Variants in VPS8 observed in about 807,000 individuals in gnomAD.
VPS8 encodes VPS8 subunit of CORVET complex.
Under a neutral mutation model 216.4 loss-of-function variants are expected in VPS8, and 129 were observed. The observed-to-expected ratio is 0.60, with a 90% CI of 0.52 to 0.69. The LOEUF (loss-of-function observed/expected upper bound fraction) is 0.69. Ranked by LOEUF, VPS8 falls within the 30% of genes least tolerant of loss-of-function variation. The pLI, the probability that VPS8 is intolerant of heterozygous loss-of-function variation, is 0.00. For synonymous variants in VPS8, 571 were observed against 565.4 expected (o/e 1.01, Z -0.14); for missense variants, 1,531 against 1,683.5 (o/e 0.91, Z 1.59).
chr3:184,908,433 C>T lies in VPS8; in HGVS notation c.2147-5086C>T, dbSNP rs144191166. 2.7e-3 allele frequency among the ~76,000 whole-genome samples: 408 copies of T among 152,358 alleles called. 1 individual carries two copies. Among genetic ancestry groups the T allele is most frequent in the Middle Eastern group, 0.01 (3 of 294 alleles). ...CTCCAAGTGCTGACACAGGAACAAGCTCCATGTGAGGCCCGCGGTCTTGAG... is the reference window on the plus strand; with the variant it reads ...CTCCAAGTGCTGACACAGGAACAAGTTCCATGTGAGGCCCGCGGTCTTGAG... On this transcript the variant is annotated intron_variant, in intron 25 of 47. Transcript: ENST00000625842.
chr3:184,878,355 C>T (rs986389866), intron 21 of VPS8, among the ~76,000 whole-genome samples: 26 of 152,084 alleles, frequency 1.7e-4, no homozygotes, highest in African/African-American at 2.2e-4. Context: ...ATGATCCACC[C>T]GCCTCGGCCT....
At chr3:184,888,415 A>T (rs1731710574) in intron 22 of VPS8, among the ~76,000 whole-genome samples, 1 of 152,244 alleles carries the variant, frequency 6.6e-6, no homozygotes, top group Non-Finnish European at 1.5e-5. Flanking sequence ...GCTGATGGAC[A>T]GTGATTGTGT....
chr3:184,917,617 G>A (rs937132167), intron 28 of VPS8, among the ~76,000 whole-genome samples: 1 of 152,166 alleles, frequency 6.6e-6, no homozygotes, highest in Non-Finnish European at 1.5e-5. Context: ...TGTTGGCCAA[G>A]CTGGTCTCGA....
intron 4 of VPS8, 33 bp downstream of exon 4, chr3:184,832,852 G>A (rs768827042): frequency 7.6e-6 from 12 of 1,589,244 alleles, no homozygotes; most frequent in South Asian, 6.8e-5. Flanking sequence ...CTTGCTTACA[G>A]TTGAAGTATT....
chr3:184,838,909 T>C, intron 6 of VPS8, 163 bp downstream of exon 6: 1 of 546,794 alleles, frequency 1.8e-6, no homozygotes, highest in Non-Finnish European at 3.1e-6. Flanking sequence ...TGTTGAATGC[T>C]TTCTTTTTTC....
chr3:184,945,763 T>C (rs949848141), intron 36 of VPS8, among the ~76,000 whole-genome samples: 4 of 152,208 alleles, frequency 2.6e-5, no homozygotes, highest in African/African-American at 2.4e-5. Context: ...AAGAGATTAA[T>C]TAACACAGAG....
At position 184,964,499 on chromosome 3, in the gene VPS8, C is replaced by T. The variant is rs985353131; in HGVS notation, c.3215C>T (p.Thr1072Ile). 1 of 1,519,394 alleles carries T rather than the reference C, an allele frequency of 6.6e-7. No individual in the cohort carries two copies. The highest frequency in any genetic ancestry group is 8.9e-7 in the Non-Finnish European group (1 of 1,128,504). The allele number at this position is 1,519,394 out of a possible 1,614,324, so 94.1% of individuals were successfully genotyped here. A position where few individuals can be genotyped will look rare whatever the true frequency, so the allele number is the denominator to read the frequency against. Residue 1072 changes from threonine to isoleucine, a missense_variant, in exon 38 of 48, where the codon ACC becomes ATC. Thr to Ile is a moderately conservative substitution (Grantham distance 89). Transcript: ENST00000625842. ...CAGAAGTATCAACTTCATGAAGTCA[C>T]CGCTTATCTATTGGAAAAGAAAGGA... ...ITQKYQLHEV[T>I]AYLLEKKGDI...
At chr3:185,036,338 A>C (rs938069709) in intron 46 of VPS8, among the ~76,000 whole-genome samples, 1 of 152,196 alleles carries the variant, frequency 6.6e-6, no homozygotes. Context: ...AGCTGGAGGC[A>C]TCACATACCT....
At chr3:184,887,610 G>A (rs1002096243) in intron 22 of VPS8, among the ~76,000 whole-genome samples, 2 of 152,192 alleles carry the variant, frequency 1.3e-5, no homozygotes, top group Non-Finnish European at 2.9e-5. Context: ...GGTGGCAAAG[G>A]TGGGATTCAA....
chr3:184,959,924 G>A (rs995587957), intron 37 of VPS8, among the ~76,000 whole-genome samples: 2 of 151,070 alleles, frequency 1.3e-5, no homozygotes, highest in African/African-American at 4.9e-5. Flanking sequence ...GTGCCATGTT[G>A]GTGTGCTGCA....
intron 40 of VPS8, among the ~76,000 whole-genome samples, chr3:184,981,667 C>G (rs967527635): frequency 5.9e-5 from 9 of 152,028 alleles, no homozygotes; most frequent in African/African-American, 1.7e-4. Flanking sequence ...AGTTCCTGAC[C>G]TCAGGTGGTC....
intron 15 of VPS8, among the ~76,000 whole-genome samples, 162 bp downstream of exon 15, chr3:184,860,227 CT>C (rs1726022031): frequency 6.6e-6 from 1 of 151,948 alleles, no homozygotes; most frequent in Non-Finnish European, 1.5e-5. Context: ...GTCCCAGCTA[CT>C]TGGGAGGCCG....
intron 46 of VPS8, among the ~76,000 whole-genome samples, chr3:185,032,357 C>A (rs2108458547): frequency 6.6e-6 from 1 of 152,064 alleles, no homozygotes; most frequent in East Asian, 1.9e-4. Flanking sequence ...ACGCTCCAAC[C>A]ATAAGATCTG....
rs865934801 is a variant in VPS8 at position 185,027,244 on chromosome 3, T to G, written c.4056+2855T>G. 3.7e-3 allele frequency among the ~76,000 whole-genome samples: 522 copies of G among 139,618 alleles called. 4 individuals carry two copies. Among genetic ancestry groups the G allele is most frequent in the African/African-American group, 0.013 (501 of 37,256 alleles). The allele number at this position is 139,618 out of a possible 152,430, so 91.6% of individuals were successfully genotyped here. A position where few individuals can be genotyped will look rare whatever the true frequency, so the allele number is the denominator to read the frequency against. ...GTGCAGTTTTTATGTTCTTTTTTTTTTTTTTTTTTTTTTTTTGAGACGGAG... is the reference window on the plus strand; with the variant it reads ...GTGCAGTTTTTATGTTCTTTTTTTTGTTTTTTTTTTTTTTTTGAGACGGAG... On this transcript the variant is annotated intron_variant, in intron 46 of 47. Transcript: ENST00000625842.
intron 4 of VPS8, among the ~76,000 whole-genome samples, chr3:184,834,164 G>A (rs1269735402): frequency 1.3e-5 from 2 of 152,160 alleles, no homozygotes; most frequent in Non-Finnish European, 2.9e-5. Flanking sequence ...AAGGCAGTAG[G>A]GTAATGTAGA....
intron 36 of VPS8, among the ~76,000 whole-genome samples, chr3:184,948,110 A>T (rs1744009834): frequency 6.6e-6 from 1 of 152,164 alleles, no homozygotes; most frequent in African/African-American, 2.4e-5. Flanking sequence ...CTTACTAAAG[A>T]TATTTACAGT....
chr3:184,928,481 A>G lies in VPS8; in HGVS notation c.2662A>G (p.Ile888Val). ...VLLELLQAGG[I>V]VQFEESRLIR... The stretch of plus-strand genomic sequence containing the variant: ...TTTAGAATTGCTGCAGGCTGGAGGC[A>G]TAGTTCAATTTGAAGAGAGTCGACT... Residue 888 changes from isoleucine (I) to valine (V), a missense_variant, in exon 32 of 48, where the codon ATA (isoleucine) becomes GTA (valine). This residue lies in a region of VPS8 where 1,318 missense variants were observed against 1,468.4 expected (regional missense o/e 0.90). Coordinates refer to ENST00000625842, the MANE Select transcript of VPS8 (RefSeq NM_001009921.3). The G allele has an allele frequency of 6.5e-7, 1 of 1,534,650 alleles. No individual in the cohort carries two copies. Among genetic ancestry groups the G allele is most frequent in the Non-Finnish European group, 8.7e-7 (1 of 1,153,006 alleles).
intron 38 of VPS8, 56 bp from the exon 39 acceptor site, chr3:184,966,615 G>A: frequency 1.6e-6 from 2 of 1,223,230 alleles, no homozygotes; most frequent in South Asian, 1.7e-5. Context: ...CAAGTATTGG[G>A]TGGGTAGAAC....
chr3:184,886,087 C>T (rs757909531), intron 21 of VPS8, 23 bp from the exon 22 acceptor site: 2 of 1,603,348 alleles, frequency 1.2e-6, no homozygotes, highest in Non-Finnish European at 8.5e-7. Flanking sequence ...GGGGCTGATG[C>T]TTTCTTTATG....
Sources: gnomAD v4.1 joint callset for allele counts (sites outside exome capture counted in the v4.1 genomes callset) on GRCh38, gnomAD v4.1.1 for gene constraint, gnomAD v4.1.1 regional missense constraint, MANE v1.5 for transcripts, NCBI Gene and HGNC (gene_info 2026-07-23, HGNC 2026-07-21) for gene names.